The following AVL9 variants were observed in gnomAD, a reference collection of about 807,000 sequenced individuals.
AVL9 encodes AVL9 cell migration associated.
In AVL9, 49 loss-of-function variants were observed where a neutral mutation model predicts 79.2. The ratio of observed to expected loss-of-function variants is 0.62; its 90% CI spans 0.49 to 0.79. The LOEUF (loss-of-function observed/expected upper bound fraction) is 0.79. Ranked by LOEUF, AVL9 falls within the 30% of genes least tolerant of loss-of-function variation. The probability of loss-of-function intolerance (pLI) is 0.00; values close to 1 mark genes in which losing one functional copy is unlikely to be tolerated. For missense variants in AVL9, 682 were observed against 776.8 expected, an observed-to-expected ratio of 0.88 and a Z score of 1.45; for synonymous variants, 299 against 280.6, an observed-to-expected ratio of 1.07 and a Z score of -0.65.
Position 32,559,155 on chromosome 7 carries a change from C to T in AVL9, c.906C>T (p.Asp302=). Residue 302 remains aspartate (D), a synonymous_variant, in exon 10 of 16, where the codon GAC becomes GAT. Transcript: ENST00000318709. ...AGGAGCCTTTGTTCCAAGTGGAAGA[C>T]AGCAGCAAAGGGCAGGAACCCAATG... ...KTEEPLFQVE[D]SSKGQEPNDT... is the part of the protein sequence containing the mutation. The T allele has an allele frequency of 5.0e-6, 8 of 1,614,124 alleles. No individual in the cohort carries two copies. The highest frequency in any genetic ancestry group is 6.8e-6 in the Non-Finnish European group (8 of 1,180,020).
intron 14 of AVL9, 24 bp from the exon 15 acceptor site, chr7:32,580,778 T>G: frequency 1.3e-6 from 2 of 1,584,492 alleles, no homozygotes; most frequent in Non-Finnish European, 1.7e-6. Context: ...ACCTAACACT[T>G]CTTTTATCTT....
At chr7:32,567,485 G>C (rs1448835816) in intron 10 of AVL9, among the ~76,000 whole-genome samples, 1 of 152,036 alleles carries the variant, frequency 6.6e-6, no homozygotes, top group East Asian at 1.9e-4. Context: ...TTCAATATTT[G>C]AAAGATTTCA....
chr7:32,495,637 C>T lies in AVL9; in HGVS notation c.-73C>T, dbSNP rs1389235277. The T allele has an allele frequency of 5.6e-6, 6 of 1,069,510 alleles. No individual in the cohort carries two copies. In the East Asian group the frequency reaches 1.6e-4, roughly 29 times the overall value. The allele number at this position is 1,069,510 out of a possible 1,614,324, so 66.3% of individuals were successfully genotyped here. A position where few individuals can be genotyped will look rare whatever the true frequency, so the allele number is the denominator to read the frequency against. ...CTGACACCCGAAGTCCGCGGCTTTC[C>T]GCACACGGTGGGGTCGTCAGACCCG... On this transcript the variant is annotated 5_prime_UTR_variant, in exon 1 of 16. Transcript: ENST00000318709.
At position 32,559,365 on chromosome 7, in the gene AVL9, A is replaced by G. The variant is rs892810827; in HGVS notation, c.1116A>G (p.Val372=). ...SVPSESLPIT[V]QPQANTGQVV... is the part of the protein sequence containing the mutation. ...CCTCAGAGAGTCTTCCAATTACTGT[A>G]CAACCTCAAGCTAATACGGGACAGG... The change falls in exon 10 of 16, where the codon GTA becomes GTG. Residue 372 remains valine, a synonymous_variant. Transcript: ENST00000318709. 8 of 1,614,010 alleles carry G rather than the reference A, an allele frequency of 5.0e-6. No homozygotes were observed. The African/African-American group carries it at 9.3e-5, about 19-fold the overall frequency.
chr7:32,575,168 G>C (rs1050094523), intron 12 of AVL9, among the ~76,000 whole-genome samples: 1 of 147,118 alleles, frequency 6.8e-6, no homozygotes, highest in Admixed American at 6.7e-5. Flanking sequence ...GCATGATGTT[G>C]GCTCACTGCA....
intron 1 of AVL9, among the ~76,000 whole-genome samples, chr7:32,513,707 G>A (rs7806941): frequency 6.6e-6 from 1 of 152,034 alleles, no homozygotes; most frequent in Non-Finnish European, 1.5e-5. Flanking sequence ...TATAGAGGAC[G>A]AAAAGTGGGC....
chr7:32,496,638 A>G (rs1211921949), intron 1 of AVL9, among the ~76,000 whole-genome samples: 1 of 152,246 alleles, frequency 6.6e-6, no homozygotes, highest in Non-Finnish European at 1.5e-5. Context: ...GCTAGTGAAC[A>G]GTAAATTGAA....
In AVL9 at chr7:32,574,141, A is replaced by G. The variant is rs189641274; in HGVS notation, c.1570+723A>G. 1.6e-4 allele frequency among the ~76,000 whole-genome samples: 24 copies of G among 152,310 alleles called. No individual in the cohort carries two copies. In the East Asian group the frequency reaches 4.4e-3, roughly 28 times the overall value. Reference sequence around the variant, plus strand: ...CCATTATTTTTTTAATTGTGATGAAATACACATAGCATAAAATTTACCATC... The same window carrying G: ...CCATTATTTTTTTAATTGTGATGAAGTACACATAGCATAAAATTTACCATC... On this transcript the variant is annotated intron_variant, in intron 12 of 15. Transcript: ENST00000318709.
chr7:32,504,070 G>A (rs1191031309), intron 1 of AVL9, among the ~76,000 whole-genome samples: 2 of 152,156 alleles, frequency 1.3e-5, no homozygotes, highest in African/African-American at 4.8e-5. Flanking sequence ...TGGTGGGTGT[G>A]ATGCACTCCC....
intron 10 of AVL9, among the ~76,000 whole-genome samples, chr7:32,567,930 G>C (rs1028066437): frequency 6.6e-6 from 1 of 151,952 alleles, no homozygotes; most frequent in Admixed American, 6.6e-5. Context: ...ATGTTGGTCA[G>C]GCTGGTCTCA....
intron 1 of AVL9, chr7:32,537,456 G>A (rs1034220358): frequency 7.6e-6 from 1 of 131,948 alleles, no homozygotes; most frequent in African/African-American, 2.9e-5. Flanking sequence ...CATTAGAAAG[G>A]AGTTTTTTTT....
chr7:32,558,503 T>A, intron 8 of AVL9, 56 bp from the exon 9 acceptor site: 1 of 1,305,358 alleles, frequency 7.7e-7, no homozygotes, highest in South Asian at 1.3e-5. Context: ...TTATTTGTTA[T>A]CATTATGGAC....
intron 2 of AVL9, 100 bp from the exon 3 acceptor site, chr7:32,544,594 A>T: frequency 1.3e-6 from 1 of 754,726 alleles, no homozygotes; most frequent in South Asian, 1.9e-5. Flanking sequence ...TTTTATCATC[A>T]TTTTTGTGTT....
intron 1 of AVL9, among the ~76,000 whole-genome samples, chr7:32,527,076 A>G (rs1788433463): frequency 6.6e-6 from 1 of 152,184 alleles, no homozygotes; most frequent in African/African-American, 2.4e-5. Flanking sequence ...TGAGATTGTA[A>G]GGGCTGGTTT....
chr7:32,551,076 G>A (rs992961938), intron 4 of AVL9, among the ~76,000 whole-genome samples: 1 of 152,126 alleles, frequency 6.6e-6, no homozygotes, highest in African/African-American at 2.4e-5. Flanking sequence ...AGAGCTGAGT[G>A]ATGGAGCCAG....
At chr7:32,496,690 G>A (rs1165603917) in intron 1 of AVL9, among the ~76,000 whole-genome samples, 1 of 152,192 alleles carries the variant, frequency 6.6e-6, no homozygotes, top group Non-Finnish European at 1.5e-5. Flanking sequence ...GCCACCACTA[G>A]CTAATGAAGC....
At chr7:32,573,642 G>T (rs1305086720) in intron 12 of AVL9, among the ~76,000 whole-genome samples, 1 of 151,912 alleles carries the variant, frequency 6.6e-6, no homozygotes, top group Middle Eastern at 3.2e-3. Flanking sequence ...GGTACTTTTG[G>T]TGGTCCTTTT....
Position 32,586,267 on chromosome 7 carries a change from T to C in AVL9, c.*2360T>C, listed in dbSNP as rs1217578993. 6.6e-6 allele frequency: 1 copy of C among 152,258 alleles called. No homozygotes were observed. The highest frequency in any genetic ancestry group is 6.5e-5 in the Admixed American group (1 of 15,284). 9.4% of individuals were successfully genotyped at this position (152,258 alleles called of 1,614,324 possible). On this transcript the variant is annotated 3_prime_UTR_variant, in exon 16 of 16. Coordinates refer to ENST00000318709, the MANE Select transcript of AVL9 (RefSeq NM_015060.3). ...GTTTGACTCTTAGTGGTCACTTTAC[T>C]GACTTTCCAACATAAAACAAGTATC...
intron 1 of AVL9, among the ~76,000 whole-genome samples, chr7:32,541,646 T>C (rs376005259): frequency 8.5e-5 from 13 of 152,122 alleles, no homozygotes; most frequent in African/African-American, 2.9e-4. Flanking sequence ...GGATGAAACC[T>C]GTATGATAAA....
Sources: gnomAD v4.1 joint callset for allele counts (sites outside exome capture counted in the v4.1 genomes callset) on GRCh38, gnomAD v4.1.1 for gene constraint, MANE v1.5 for transcripts, NCBI Gene and HGNC (gene_info 2026-07-23, HGNC 2026-07-21) for gene names.